TRAPPC9: variants seen among roughly 807,000 people sequenced by gnomAD.
TRAPPC9 encodes the protein trafficking protein particle complex subunit 9.
A neutral mutation model predicts 124.0 loss-of-function variants in TRAPPC9; 83 were observed. The observed-to-expected ratio is 0.67, with a 90% CI of 0.56 to 0.80. TRAPPC9 has a LOEUF of 0.80. Ranked by LOEUF, TRAPPC9 falls within the 30% of genes least tolerant of loss-of-function variation. The pLI, the probability that TRAPPC9 is intolerant of heterozygous loss-of-function variation, is 0.00. For synonymous variants in TRAPPC9, 638 were observed against 617.5 expected (o/e 1.03, Z -0.49); for missense variants, 1,302 against 1,508.3 (o/e 0.86, Z 2.27).
At chr8:140,417,820 A>T (rs2069993817) in intron 5 of TRAPPC9, among the ~76,000 whole-genome samples, 1 of 152,272 alleles carries the variant, frequency 6.6e-6, no homozygotes, top group Admixed American at 6.5e-5. Flanking sequence ...CCAAATGTCC[A>T]ACAATGATAG....
chr8:139,785,331 T>C (rs1044367273), intron 21 of TRAPPC9, among the ~76,000 whole-genome samples: 4 of 152,126 alleles, frequency 2.6e-5, no homozygotes, highest in Non-Finnish European at 5.9e-5. Context: ...TGAAAGAACA[T>C]GTGGGAGAAA....
At chr8:139,819,020 G>A (rs1022220114) in intron 21 of TRAPPC9, among the ~76,000 whole-genome samples, 3 of 152,204 alleles carry the variant, frequency 2.0e-5, no homozygotes, top group African/African-American at 7.2e-5. Flanking sequence ...TAGGAACCAG[G>A]CTGGAGAGCA....
chr8:139,869,723 G>C (rs1469052346), intron 21 of TRAPPC9, among the ~76,000 whole-genome samples: 2 of 152,130 alleles, frequency 1.3e-5, no homozygotes, highest in African/African-American at 4.8e-5. Context: ...GTATTGAACT[G>C]ATAATACCAT....
intron 19 of TRAPPC9, among the ~76,000 whole-genome samples, chr8:139,936,092 G>A (rs375913054): frequency 1.1e-4 from 16 of 152,302 alleles, no homozygotes; most frequent in Middle Eastern, 3.4e-3. Flanking sequence ...CCTGCTCCAC[G>A]CCTGTTGGCC....
chr8:139,738,970 C>T (rs922579619), intron 21 of TRAPPC9, among the ~76,000 whole-genome samples: 1 of 152,188 alleles, frequency 6.6e-6, no homozygotes, highest in Non-Finnish European at 1.5e-5. Context: ...ACAAGGTGTT[C>T]TAGGAATGTC....
chr8:140,327,041 C>G (rs139316954), intron 9 of TRAPPC9, among the ~76,000 whole-genome samples: 2,421 of 152,190 alleles, frequency 0.016, 70 homozygotes, highest in African/African-American at 0.056. Context: ...CACCTGAGGT[C>G]AGGAGTTCCA....
At chr8:139,827,854 T>C (rs116262216) in intron 21 of TRAPPC9, among the ~76,000 whole-genome samples, 1 of 152,152 alleles carries the variant, frequency 6.6e-6, no homozygotes, top group African/African-American at 2.4e-5. Context: ...TGGGGAGACG[T>C]CAAGGAGCTT....
chr8:140,268,319 T>C (rs2064757235), intron 15 of TRAPPC9, among the ~76,000 whole-genome samples: 1 of 147,042 alleles, frequency 6.8e-6, no homozygotes. Flanking sequence ...CCATGTCCTC[T>C]GAGCAGGTCC....
chr8:140,458,423 C>A, upstream of TRAPPC9: 1 of 1,587,174 alleles, frequency 6.3e-7, no homozygotes, highest in South Asian at 1.1e-5. Flanking sequence ...TCGTGCCCCC[C>A]ACGTGGGTGG....
intron 17 of TRAPPC9, among the ~76,000 whole-genome samples, chr8:140,210,610 C>A (rs896900547): frequency 1.3e-5 from 2 of 152,166 alleles, no homozygotes; most frequent in Admixed American, 6.5e-5. Context: ...GTACCCGCAC[C>A]CCCTTTCCCA....
intron 21 of TRAPPC9, among the ~76,000 whole-genome samples, chr8:139,783,337 A>G (rs994206443): frequency 4.6e-5 from 7 of 152,220 alleles, no homozygotes; most frequent in Admixed American, 4.6e-4. Context: ...ATATCACGAT[A>G]AAAGAGATGA....
intron 16 of TRAPPC9, among the ~76,000 whole-genome samples, chr8:140,240,512 C>T (rs1465279883): frequency 6.6e-6 from 1 of 152,220 alleles, no homozygotes; most frequent in Non-Finnish European, 1.5e-5. Context: ...GGTGGTTACA[C>T]TTACCGCCTG....
chr8:140,350,501 A>C (rs6578099), intron 9 of TRAPPC9, among the ~76,000 whole-genome samples: 2 of 152,164 alleles, frequency 1.3e-5, no homozygotes, highest in South Asian at 4.1e-4. Context: ...TCCATTTAAC[A>C]GTATTTCTTC....
Position 140,311,313 on chromosome 8 carries a change from C to A in TRAPPC9, c.1557G>T (p.Glu519Asp). 6.2e-7 allele frequency: 1 copy of A among 1,613,934 alleles called. No individual in the cohort carries two copies. The highest frequency in any genetic ancestry group is 1.3e-5 in the African/African-American group (1 of 75,056). Residue 519 changes from glutamate (E) to aspartate (D), a missense_variant, in exon 10 of 23, where the codon GAG becomes GAT. Physicochemically the swap from Glu to Asp is conservative, Grantham distance 45. Around this residue, in one of 3 missense-constraint regions of TRAPPC9, gnomAD observed 657 missense variants for 811.2 expected, o/e 0.81. Transcript: ENST00000438773. ...TGAGGCCGCCAGGGAGGGCGATGGGCTCCATGGTCCCAGGACACTTGGACG... is the reference window on the plus strand; with the variant it reads ...TGAGGCCGCCAGGGAGGGCGATGGGATCCATGGTCCCAGGACACTTGGACG... ...NYTSKCPGTM[E>D]PIALPGGLTL...
At chr8:140,306,245 T>C (rs1002264755) in intron 10 of TRAPPC9, among the ~76,000 whole-genome samples, 4 of 152,022 alleles carry the variant, frequency 2.6e-5, no homozygotes, top group Admixed American at 6.5e-5. Flanking sequence ...CCTGTAATCC[T>C]AGCACTTTGG....
intron 15 of TRAPPC9, among the ~76,000 whole-genome samples, chr8:140,275,112 T>C (rs58415984): frequency 0.04 from 6,091 of 152,250 alleles, 214 homozygotes; most frequent in African/African-American, 0.1. Context: ...ACCTCCCTAG[T>C]TCACTCTTGT....
intron 21 of TRAPPC9, among the ~76,000 whole-genome samples, chr8:139,833,947 G>A (rs1195265567): frequency 1.3e-5 from 2 of 152,192 alleles, no homozygotes; most frequent in South Asian, 2.1e-4. Context: ...GTGCCTTGGC[G>A]GTGGAGGAAA....
chr8:139,927,457 G>A (rs1832883482), intron 19 of TRAPPC9, among the ~76,000 whole-genome samples: 1 of 152,050 alleles, frequency 6.6e-6, no homozygotes, highest in Non-Finnish European at 1.5e-5. Flanking sequence ...TGTTGTCCAG[G>A]TTGGTCTCAA....
At chr8:139,950,889 G>A (rs902395398) in intron 19 of TRAPPC9, among the ~76,000 whole-genome samples, 4 of 152,216 alleles carry the variant, frequency 2.6e-5, no homozygotes, top group Non-Finnish European at 4.4e-5. Context: ...CATGGCATGC[G>A]GCAAGAGGAG....
Sources: gnomAD v4.1 joint callset for allele counts (sites outside exome capture counted in the v4.1 genomes callset) on GRCh38, gnomAD v4.1.1 for gene constraint, gnomAD v4.1.1 regional missense constraint, MANE v1.5 for transcripts, NCBI Gene and HGNC (gene_info 2026-07-23, HGNC 2026-07-21) for gene names.